The following CARMIL1 variants were observed in gnomAD, a reference collection of about 807,000 sequenced individuals.
CARMIL1 encodes capping protein regulator and myosin 1 linker 1.
CARMIL1 carries 90 observed loss-of-function variants against 177.1 expected under a neutral mutation model. The ratio of observed to expected loss-of-function variants is 0.51; its 90% CI spans 0.43 to 0.61. CARMIL1 has a LOEUF of 0.61. CARMIL1 is among the 20% of genes least tolerant of loss of function. The probability of loss-of-function intolerance (pLI) is 0.00; values close to 1 mark genes in which losing one functional copy is unlikely to be tolerated. For synonymous variants in CARMIL1, 577 were observed against 606.2 expected (o/e 0.95, Z 0.71); for missense variants, 1,380 against 1,667.0 (o/e 0.83, Z 3.00).
At chr6:25,366,696 A>G (rs561800813) in intron 2 of CARMIL1, among the ~76,000 whole-genome samples, 1 of 151,816 alleles carries the variant, frequency 6.6e-6, no homozygotes, top group South Asian at 2.1e-4. Flanking sequence ...AAAGATTTGT[A>G]TGAATTAAGT....
At chr6:25,317,354 A>C (rs2150227540) in intron 2 of CARMIL1, among the ~76,000 whole-genome samples, 1 of 151,278 alleles carries the variant, frequency 6.6e-6, no homozygotes, top group African/African-American at 2.4e-5. Flanking sequence ...CCAGTCTTGA[A>C]CTCCTGGGCT....
At chr6:25,491,863 T>C in intron 14 of CARMIL1, 54 bp downstream of exon 14, 1 of 1,528,724 alleles carries the variant, frequency 6.5e-7, no homozygotes, top group Non-Finnish European at 9.0e-7. Flanking sequence ...AAGAGCTATT[T>C]AGATGGGATG....
rs576063703 is a variant in CARMIL1 at position 25,381,436 on chromosome 6, A to G, written c.139-38678A>G. Among the ~76,000 whole-genome samples, 23 of 152,310 alleles carry G rather than the reference A, an allele frequency of 1.5e-4. No individual in the cohort carries two copies. In the South Asian group the frequency reaches 2.9e-3, roughly 19 times the overall value. ...CCCAGAGTTAGCACAGACCCCACAG[A>G]TTATGGGCTTAGACCCACAAGACTC... On this transcript the variant is annotated intron_variant, in intron 2 of 36. Coordinates refer to ENST00000329474, the MANE Select transcript of CARMIL1 (RefSeq NM_017640.6).
In CARMIL1 at chr6:25,355,207, C is replaced by T. The variant is rs548800291; in HGVS notation, c.139-64907C>T. Among the ~76,000 whole-genome samples, 41 of 152,304 alleles carry T rather than the reference C, an allele frequency of 2.7e-4. No homozygotes were observed. The South Asian group carries it at 7.3e-3, about 27-fold the overall frequency. ...TACTAGAAGCTTCTGATATTATAAC[C>T]ACATGAATGAGCCAAGAAGGAACTC... On this transcript the variant is annotated intron_variant, in intron 2 of 36. Transcript: ENST00000329474.
chr6:25,421,700 G>GA (rs199951556), intron 3 of CARMIL1, among the ~76,000 whole-genome samples: 1 of 147,878 alleles, frequency 6.8e-6, no homozygotes, highest in Non-Finnish European at 1.5e-5. Flanking sequence ...AGCCATAAAA[G>GA]TGAGTTCATG....
chr6:25,556,393 A>T (rs1352847927), intron 28 of CARMIL1, among the ~76,000 whole-genome samples: 2 of 152,174 alleles, frequency 1.3e-5, no homozygotes, highest in Admixed American at 1.3e-4. Flanking sequence ...TTACTCTCAG[A>T]TACTTTTTAG....
chr6:25,403,351 T>G (rs188730077), intron 2 of CARMIL1, among the ~76,000 whole-genome samples: 259 of 152,246 alleles, frequency 1.7e-3, no homozygotes, highest in Non-Finnish European at 2.5e-3. Flanking sequence ...TCACCATCTC[T>G]CACAAGCTAT....
chr6:25,379,519 A>G (rs958193459), intron 2 of CARMIL1, among the ~76,000 whole-genome samples: 6 of 152,148 alleles, frequency 3.9e-5, no homozygotes, highest in African/African-American at 1.4e-4. Context: ...CTTTCAGAGG[A>G]TGGTGAGACC....
chr6:25,409,753 A>G lies in CARMIL1; in HGVS notation c.139-10361A>G, dbSNP rs73730735. Among the ~76,000 whole-genome samples the G allele has an allele frequency of 1.3e-3, 191 of 152,282 alleles. 1 individual carries two copies. Among genetic ancestry groups the G allele is most frequent in the African/African-American group, 4.1e-3 (171 of 41,556 alleles). ...ACACATTTGCATGCGAGTACCATGTATATACTGACATCACTCAAACAAGTT... is the reference window on the plus strand; with the variant it reads ...ACACATTTGCATGCGAGTACCATGTGTATACTGACATCACTCAAACAAGTT... On this transcript the variant is annotated intron_variant, in intron 2 of 36. Transcript: ENST00000329474.
chr6:25,343,625 G>A (rs1787182874), intron 2 of CARMIL1, among the ~76,000 whole-genome samples: 1 of 152,120 alleles, frequency 6.6e-6, no homozygotes, highest in African/African-American at 2.4e-5. Flanking sequence ...ATCCTCATTT[G>A]CCTCTTTACT....
rs1465736017 is a variant in CARMIL1 at position 25,340,788 on chromosome 6, T to TTTTTG, written c.138+55883_138+55884insGTTTT. Among the ~76,000 whole-genome samples, 20 of 146,910 alleles carry TTTTTG rather than the reference T, an allele frequency of 1.4e-4. No homozygotes were observed. In the East Asian group the frequency reaches 3.4e-3, roughly 25 times the overall value. On this transcript the variant is annotated intron_variant, in intron 2 of 36. Coordinates refer to ENST00000329474, the MANE Select transcript of CARMIL1 (RefSeq NM_017640.6). ...GGCTGTCAATGAAGGTTTTTTTTTT[T>TTTTTG]TTTTTTTTTTTTTTTTAAGTCGTGT...
intron 15 of CARMIL1, among the ~76,000 whole-genome samples, chr6:25,494,681 A>G (rs749123347): frequency 6.6e-6 from 1 of 152,242 alleles, no homozygotes; most frequent in African/African-American, 2.4e-5. Flanking sequence ...ATCAGATCAC[A>G]GTCTTGTTGC....
chr6:25,311,478 C>T (rs1783813143), intron 2 of CARMIL1, among the ~76,000 whole-genome samples: 1 of 152,106 alleles, frequency 6.6e-6, no homozygotes, highest in Non-Finnish European at 1.5e-5. Flanking sequence ...CTCCATAAAA[C>T]TCCAGAAAAG....
At chr6:25,367,039 A>G (rs555129023) in intron 2 of CARMIL1, among the ~76,000 whole-genome samples, 2 of 152,314 alleles carry the variant, frequency 1.3e-5, no homozygotes, top group South Asian at 2.1e-4. Context: ...GCATTCCAGT[A>G]TGCATTTGCT....
Position 25,600,302 on chromosome 6 carries a change from T to C in CARMIL1, c.3120-12T>C. ...TAAAAACAACAGATCTGTGTCTTGGTTTGAAATGCAGGAAATGGTCAACAA... is the reference window on the plus strand; with the variant it reads ...TAAAAACAACAGATCTGTGTCTTGGCTTGAAATGCAGGAAATGGTCAACAA... On this transcript the variant is annotated splice_polypyrimidine_tract_variant and intron_variant, in intron 32 of 36. Transcript: ENST00000329474. The C allele has an allele frequency of 6.3e-7, 1 of 1,596,086 alleles. No homozygotes were observed. Among genetic ancestry groups the C allele is most frequent in the Non-Finnish European group, 8.5e-7 (1 of 1,172,196 alleles).
At chr6:25,583,461 A>G (rs1326622173) in intron 31 of CARMIL1, among the ~76,000 whole-genome samples, 2 of 152,166 alleles carry the variant, frequency 1.3e-5, no homozygotes, top group Non-Finnish European at 2.9e-5. Context: ...GTGATTTATT[A>G]TTCATGGTAA....
Position 25,520,761 on chromosome 6 carries a change from A to G in CARMIL1, c.1968+424A>G, listed in dbSNP as rs116673578. Among the ~76,000 whole-genome samples the G allele has an allele frequency of 2.9e-3, 443 of 152,014 alleles. 5 individuals are homozygous for G. Among genetic ancestry groups the G allele is most frequent in the African/African-American group, 9.7e-3 (400 of 41,430 alleles). On this transcript the variant is annotated intron_variant, in intron 23 of 36. Transcript: ENST00000329474. Reference sequence around the variant, plus strand: ...CTCTCACTTTACCATCCTCATCTATAAATGTATGTAAATCTACACCTATTC... The same window carrying G: ...CTCTCACTTTACCATCCTCATCTATGAATGTATGTAAATCTACACCTATTC...
intron 25 of CARMIL1, among the ~76,000 whole-genome samples, chr6:25,538,351 T>C (rs1046848240): frequency 3.9e-5 from 6 of 152,234 alleles, no homozygotes; most frequent in Admixed American, 3.3e-4. Context: ...TAGACTTTGG[T>C]TCCCAATGTG....
At chr6:25,517,595 A>T (rs1030973818) in intron 22 of CARMIL1, among the ~76,000 whole-genome samples, 180 bp downstream of exon 22, 2 of 152,150 alleles carry the variant, frequency 1.3e-5, no homozygotes, top group Non-Finnish European at 2.9e-5. Context: ...TCCTGGTGGG[A>T]GTTTCCTTAT....
Sources: allele counts gnomAD v4.1 joint callset (sites outside exome capture counted in the v4.1 genomes callset), GRCh38; gene constraint gnomAD v4.1.1; transcripts MANE v1.5; gene names NCBI Gene and HGNC (gene_info 2026-07-23, HGNC 2026-07-21).